The following ADGRL3 variants were observed in gnomAD, a reference collection of about 807,000 sequenced individuals.
The protein encoded by ADGRL3 is adhesion G protein-coupled receptor L3, also known as calcium-independent alpha-latrotoxin receptor 3.
Under a neutral mutation model 153.5 loss-of-function variants are expected in ADGRL3, and 62 were observed. The ratio of observed to expected loss-of-function variants is 0.40; its 90% confidence interval spans 0.33 to 0.50. The LOEUF (loss-of-function observed/expected upper bound fraction) is 0.50. Ranked by LOEUF, ADGRL3 falls within the 20% of genes least tolerant of loss-of-function variation. The probability of loss-of-function intolerance (pLI) is 0.47; values close to 1 mark genes in which losing one functional copy is unlikely to be tolerated. For missense variants in ADGRL3, 1,641 were observed against 1,859.4 expected, an observed-to-expected ratio of 0.88 and a Z score of 2.16; for synonymous variants, 710 against 672.5, an observed-to-expected ratio of 1.06 and a Z score of -0.86.
At chr4:61,391,928 C>T (rs2096810109) in intron 2 of ADGRL3, among the ~76,000 whole-genome samples, 2 of 143,512 alleles carry the variant, frequency 1.4e-5, no homozygotes, top group Admixed American at 7.3e-5. Flanking sequence ...GGCGCGAGCT[C>T]GCCTCACTGC....
intron 5 of ADGRL3, among the ~76,000 whole-genome samples, chr4:61,615,872 G>A (rs1376472725): frequency 6.6e-6 from 1 of 151,990 alleles, no homozygotes; most frequent in Non-Finnish European, 1.5e-5. Flanking sequence ...ATGATTAGAT[G>A]AAATCAAAGG....
chr4:61,248,087 G>A lies in ADGRL3; in HGVS notation c.-240+46322G>A, dbSNP rs896230878. On this transcript the variant is annotated intron_variant, in intron 1 of 26. Coordinates refer to ENST00000683033, the MANE Select transcript of ADGRL3 (RefSeq NM_001387552.1). ...TTTCATTTAAAAGGTTTAGAGGGGCGAACTGCTCTATGTGTGAAATGCAGT... is the reference window on the plus strand; with the variant it reads ...TTTCATTTAAAAGGTTTAGAGGGGCAAACTGCTCTATGTGTGAAATGCAGT... 3.3e-5 allele frequency among the ~76,000 whole-genome samples: 5 copies of A among 152,046 alleles called. No homozygotes were observed. In the East Asian group the frequency reaches 5.8e-4, roughly 18 times the overall value.
intron 21 of ADGRL3, among the ~76,000 whole-genome samples, chr4:62,017,939 A>G (rs903260536): frequency 4.6e-5 from 7 of 152,072 alleles, no homozygotes; most frequent in African/African-American, 1.7e-4. Flanking sequence ...GCTGGAGTAC[A>G]GTGGCGTGAT....
At chr4:61,322,807 C>A (rs772623888) in intron 1 of ADGRL3, among the ~76,000 whole-genome samples, 1 of 152,162 alleles carries the variant, frequency 6.6e-6, no homozygotes, top group East Asian at 1.9e-4. Flanking sequence ...TCCAGGCACA[C>A]GGTGCAAGCT....
chr4:62,068,391 T>C (rs914640201), intron 26 of ADGRL3, among the ~76,000 whole-genome samples: 1 of 152,192 alleles, frequency 6.6e-6, no homozygotes, highest in African/African-American at 2.4e-5. Context: ...ATAATCAACA[T>C]AGTTGTTAAG....
chr4:61,377,916 T>C (rs2096623673), intron 1 of ADGRL3, among the ~76,000 whole-genome samples: 1 of 152,042 alleles, frequency 6.6e-6, no homozygotes, highest in South Asian at 2.1e-4. Flanking sequence ...AATTAAAATA[T>C]TTTCTAATTT....
At chr4:61,233,138 G>A (rs1312664533) in intron 1 of ADGRL3, among the ~76,000 whole-genome samples, 1 of 152,144 alleles carries the variant, frequency 6.6e-6, no homozygotes, top group Admixed American at 6.5e-5. Flanking sequence ...TGAAAATGTA[G>A]TATTACCCTA....
intron 1 of ADGRL3, among the ~76,000 whole-genome samples, chr4:61,246,426 A>G (rs1183014843): frequency 6.6e-6 from 1 of 152,038 alleles, no homozygotes; most frequent in African/African-American, 2.4e-5. Flanking sequence ...GCTGTATATT[A>G]GGGTTTCTTA....
At chr4:61,525,687 G>T (rs879924156) in intron 4 of ADGRL3, among the ~76,000 whole-genome samples, 1 of 152,128 alleles carries the variant, frequency 6.6e-6, no homozygotes, top group Non-Finnish European at 1.5e-5. Context: ...GAAGAGGAAT[G>T]ATGTGAGAGA....
chr4:61,800,336 T>G (rs2097478516), intron 8 of ADGRL3, among the ~76,000 whole-genome samples: 1 of 152,190 alleles, frequency 6.6e-6, no homozygotes, highest in South Asian at 2.1e-4. Context: ...AGGCAGAACC[T>G]GAGTTATCAT....
chr4:62,045,925 C>G (rs966478187), intron 25 of ADGRL3, among the ~76,000 whole-genome samples: 7 of 151,780 alleles, frequency 4.6e-5, no homozygotes, highest in Admixed American at 1.3e-4. Context: ...GTATTCTTAT[C>G]TTTTTCAATT....
intron 1 of ADGRL3, among the ~76,000 whole-genome samples, chr4:61,364,248 G>A (rs1470653956): frequency 2.6e-5 from 4 of 151,022 alleles, no homozygotes; most frequent in Admixed American, 1.3e-4. Context: ...CAGGGGAATC[G>A]CTTGAACCTG....
intron 21 of ADGRL3, among the ~76,000 whole-genome samples, chr4:62,025,941 A>G (rs755768398): frequency 3.9e-5 from 6 of 152,194 alleles, no homozygotes; most frequent in Non-Finnish European, 7.3e-5. Context: ...AAAAGGAATC[A>G]ACAGCATGGC....
At chr4:61,987,742 T>G (rs2099090792) in intron 19 of ADGRL3, among the ~76,000 whole-genome samples, 1 of 152,174 alleles carries the variant, frequency 6.6e-6, no homozygotes, top group African/African-American at 2.4e-5. Context: ...TCTTTTTTAC[T>G]TGTTTTTGGA....
rs1185550166 is a variant in ADGRL3 at position 61,372,185 on chromosome 4, G to A, written c.-239-10939G>A. On this transcript the variant is annotated intron_variant, in intron 1 of 26. Transcript: ENST00000683033. The stretch of plus-strand genomic sequence containing the variant: ...TTTCCTTTGGTTTGAATGTCCTCCC[G>A]TAGCTCAGAGTAATTTGATCGTCTG... Among the ~76,000 whole-genome samples the A allele has an allele frequency of 3.3e-5, 5 of 151,998 alleles. 1 individual carries two copies. The highest frequency in any genetic ancestry group is 1.3e-4 in the Admixed American group (2 of 15,264).
chr4:61,500,371 T>G lies in ADGRL3; in HGVS notation c.55+3023T>G, dbSNP rs143579310. 5.6e-3 allele frequency among the ~76,000 whole-genome samples: 858 copies of G among 152,268 alleles called. 7 individuals are homozygous for G. Among genetic ancestry groups the G allele is most frequent in the African/African-American group, 0.016 (661 of 41,558 alleles). On this transcript the variant is annotated intron_variant, in intron 3 of 26. Transcript: ENST00000683033. ...CCTTTGTGATACCACTTCTGACTTG[T>G]GAATGAAGGGCTTTATAAGCAGCCT...
At chr4:62,032,651 A>G (rs568898629) in intron 23 of ADGRL3, among the ~76,000 whole-genome samples, 7 of 151,840 alleles carry the variant, frequency 4.6e-5, no homozygotes, top group African/African-American at 1.7e-4. Context: ...AAACAAAGGA[A>G]ATAAAAAGTA....
intron 4 of ADGRL3, among the ~76,000 whole-genome samples, chr4:61,537,091 C>T (rs748398026): frequency 6.6e-6 from 1 of 151,142 alleles, no homozygotes; most frequent in African/African-American, 2.4e-5. Context: ...GAAGAATTCT[C>T]TTAACATTTG....
chr4:61,294,085 A>C (rs1484604742), intron 1 of ADGRL3, among the ~76,000 whole-genome samples: 2 of 152,186 alleles, frequency 1.3e-5, no homozygotes, highest in Non-Finnish European at 2.9e-5. Context: ...AGTAGAAACC[A>C]CTTTCGAAAA....
Sources: gnomAD v4.1 joint callset for allele counts (sites outside exome capture counted in the v4.1 genomes callset) on GRCh38, gnomAD v4.1.1 for gene constraint, MANE v1.5 for transcripts, NCBI Gene and HGNC (gene_info 2026-07-23, HGNC 2026-07-21) for gene names.